The following ENTPD1 variants were observed in gnomAD, a reference collection of about 807,000 sequenced individuals.
ENTPD1 encodes ectonucleoside triphosphate diphosphohydrolase 1.
A neutral mutation model predicts 57.0 loss-of-function variants in ENTPD1; 33 were observed. That is an observed-to-expected ratio of 0.58 (90% confidence interval 0.44 to 0.77). The LOEUF is 0.77. Among genes scored for constraint, ENTPD1 ranks in the 30% least tolerant of loss-of-function variants. ENTPD1 has a pLI of 0.00. For synonymous variants in ENTPD1, 202 were observed against 218.8 expected, an observed-to-expected ratio of 0.92 and a Z score of 0.68; for missense variants, 501 against 603.4, an observed-to-expected ratio of 0.83 and a Z score of 1.78.
chr10:95,711,847 A>G (rs2097965843), exon 1 of ENTPD1: 1 of 1,512,348 alleles, frequency 6.6e-7, no homozygotes, highest in Non-Finnish European at 9.1e-7. Flanking sequence ...CTTTTTTGTC[A>G]GCGATTGTCA....
chr10:95,834,999 T>C (rs2098406276), intron 2 of ENTPD1, among the ~76,000 whole-genome samples: 1 of 152,238 alleles, frequency 6.6e-6, no homozygotes, highest in Non-Finnish European at 1.5e-5. Flanking sequence ...CATGGGTATA[T>C]TGCATGATGC....
chr10:95,873,001 T>C lies in ENTPD1; in HGVS notation c.*6618T>C. Reference sequence around the variant, plus strand: ...AGAATGAACCTTAAAAGATCATGCATCTCAAAATTTAATGTACATACAAAT... The same window carrying C: ...AGAATGAACCTTAAAAGATCATGCACCTCAAAATTTAATGTACATACAAAT... On this transcript the variant is annotated 3_prime_UTR_variant, in exon 10 of 10. Coordinates refer to ENST00000371205, the MANE Select transcript of ENTPD1 (RefSeq NM_001776.6). 1.0e-6 allele frequency: 1 copy of C among 984,294 alleles called. No homozygotes were observed. The highest frequency in any genetic ancestry group is 1.2e-6 in the Non-Finnish European group (1 of 828,930). 61.0% of individuals were successfully genotyped at this position (984,294 alleles called of 1,614,324 possible). A position where few individuals can be genotyped will look rare whatever the true frequency, so the allele number is the denominator to read the frequency against.
intron 1 of ENTPD1, among the ~76,000 whole-genome samples, chr10:95,804,101 T>C (rs937375791): frequency 1.8e-4 from 27 of 152,358 alleles, no homozygotes; most frequent in South Asian, 1.2e-3. Flanking sequence ...TTTTGGTTAC[T>C]GTAGCCTTGT....
the ENTPD1 span, among the ~76,000 whole-genome samples, chr10:95,704,613 C>T: frequency 1.3e-5 from 2 of 152,104 alleles, no homozygotes; most frequent in East Asian, 1.9e-4. Flanking sequence ...TGTATCTGTA[C>T]TCCTACCTTA....
chr10:95,734,494 G>A (rs2097992498), intron 1 of ENTPD1, among the ~76,000 whole-genome samples: 1 of 152,196 alleles, frequency 6.6e-6, no homozygotes, highest in Non-Finnish European at 1.5e-5. Context: ...TATGTTATTT[G>A]CAATTTGGAA....
intron 2 of ENTPD1, among the ~76,000 whole-genome samples, chr10:95,836,795 T>C (rs1446712873): frequency 6.6e-6 from 1 of 152,168 alleles, no homozygotes; most frequent in South Asian, 2.1e-4. Flanking sequence ...AAAATGCTGG[T>C]GTGGTGGAAA....
At chr10:95,696,452 G>A in the ENTPD1 span, among the ~76,000 whole-genome samples, 1 of 152,026 alleles carries the variant, frequency 6.6e-6, no homozygotes, top group Non-Finnish European at 1.5e-5. Flanking sequence ...GCTAATTTTT[G>A]CATTTGTAGT....
intron 1 of ENTPD1, among the ~76,000 whole-genome samples, chr10:95,737,969 C>T (rs1161318337): frequency 2.0e-5 from 3 of 152,100 alleles, no homozygotes; most frequent in Non-Finnish European, 4.4e-5. Flanking sequence ...CTGAATCCCA[C>T]CACCAGCACC....
intron 1 of ENTPD1, among the ~76,000 whole-genome samples, chr10:95,793,822 C>T (rs1038524261): frequency 6.6e-6 from 1 of 152,028 alleles, no homozygotes; most frequent in Non-Finnish European, 1.5e-5. Context: ...CCAGAACTAA[C>T]CACTGAGCCA....
intron 1 of ENTPD1, among the ~76,000 whole-genome samples, chr10:95,713,100 T>G (rs2097967669): frequency 6.6e-6 from 1 of 151,892 alleles, no homozygotes; most frequent in Admixed American, 6.6e-5. Flanking sequence ...TACTTCTCAG[T>G]GAATTTTCGG....
At position 95,874,181 on chromosome 10, in the gene ENTPD1, G is replaced by A. The variant is rs1349835443; in HGVS notation, c.*7798G>A. ...GTCCACAGTCCAAAGTCTCATCTGA[G>A]ACAAGGCAAGTCCCTTCCACTTACA... On this transcript the variant is annotated 3_prime_UTR_variant, in exon 10 of 10. Transcript: ENST00000371205. Among the ~76,000 whole-genome samples the A allele has an allele frequency of 6.6e-6, 1 of 152,128 alleles. No individual in the cohort carries two copies. The highest frequency in any genetic ancestry group is 2.4e-5 in the African/African-American group (1 of 41,422).
At chr10:95,748,020 C>T (rs1232712440) in intron 1 of ENTPD1, among the ~76,000 whole-genome samples, 5 of 151,954 alleles carry the variant, frequency 3.3e-5, no homozygotes, top group Non-Finnish European at 5.9e-5. Context: ...TACAGGCATG[C>T]GCCACCATGC....
At chr10:95,740,345 G>A (rs1386318412) in intron 1 of ENTPD1, among the ~76,000 whole-genome samples, 3 of 152,110 alleles carry the variant, frequency 2.0e-5, no homozygotes, top group African/African-American at 4.8e-5. Flanking sequence ...GGCTGGGCTC[G>A]AACTCCTAAC....
chr10:95,822,698 A>G (rs2098358049), intron 1 of ENTPD1, among the ~76,000 whole-genome samples: 1 of 152,186 alleles, frequency 6.6e-6, no homozygotes, highest in Admixed American at 6.5e-5. Context: ...TATGATCCAA[A>G]ATGTTCAAGA....
At chr10:95,808,133 G>A (rs973439057) in intron 1 of ENTPD1, among the ~76,000 whole-genome samples, 42 of 152,316 alleles carry the variant, frequency 2.8e-4, no homozygotes, top group African/African-American at 2.6e-4. Flanking sequence ...ATGAAGAGGC[G>A]TTGAATTTTA....
chr10:95,694,421 T>TTTA, the ENTPD1 span, among the ~76,000 whole-genome samples: 2 of 149,256 alleles, frequency 1.3e-5, no homozygotes. Context: ...ATGGCTTTTT[T>TTTA]AAAAAAAAAA....
In ENTPD1 at chr10:95,872,195, T is replaced by C. The variant is rs1358233833; in HGVS notation, c.*5812T>C. The stretch of plus-strand genomic sequence containing the variant: ...GGTGTTGCTTCCAATCTGTTGCTGC[T>C]AGATTAATCTTTGCAAAGCACAGGC... On this transcript the variant is annotated 3_prime_UTR_variant, in exon 10 of 10. Transcript: ENST00000371205. 5.1e-6 allele frequency: 5 copies of C among 985,394 alleles called. No homozygotes were observed. In the African/African-American group the frequency reaches 5.2e-5, roughly 10 times the overall value. 61.0% of individuals were successfully genotyped at this position (985,394 alleles called of 1,614,324 possible).
chr10:95,777,482 T>C (rs2098138348), intron 1 of ENTPD1, among the ~76,000 whole-genome samples: 1 of 152,156 alleles, frequency 6.6e-6, no homozygotes, highest in South Asian at 2.1e-4. Context: ...ACAGCAAATA[T>C]TGCAGAACAG....
At chr10:95,732,691 A>AT (rs2097990520) in intron 1 of ENTPD1, among the ~76,000 whole-genome samples, 1 of 152,286 alleles carries the variant, frequency 6.6e-6, no homozygotes, top group African/African-American at 2.4e-5. Context: ...AGTCGGAGAA[A>AT]TAAAGGGAAA....
Sources: gnomAD v4.1 joint callset for allele counts (sites outside exome capture counted in the v4.1 genomes callset) on GRCh38, gnomAD v4.1.1 for gene constraint, MANE v1.5 for transcripts, NCBI Gene and HGNC (gene_info 2026-07-23, HGNC 2026-07-21) for gene names.